ANKFN1: variants seen among roughly 807,000 people sequenced by gnomAD.
ANKFN1 encodes ankyrin repeat and fibronectin type-III domain-containing protein 1.
Under a neutral mutation model 108.7 loss-of-function variants are expected in ANKFN1, and 74 were observed. The ratio of observed to expected loss-of-function variants is 0.68; its 90% CI spans 0.56 to 0.83. ANKFN1 has a LOEUF of 0.83. Among genes scored for constraint, ANKFN1 ranks in the 40% least tolerant of loss-of-function variants. The pLI is 0.00. For missense variants in ANKFN1, 1,505 were observed against 1,382.3 expected (o/e 1.09, Z -1.41); for synonymous variants, 547 against 516.2 (o/e 1.06, Z -0.81).
chr17:56,080,159 G>A (rs968789413), intron 4 of ANKFN1, among the ~76,000 whole-genome samples: 1 of 152,184 alleles, frequency 6.6e-6, no homozygotes, highest in African/African-American at 2.4e-5. Flanking sequence ...GAGGGAGACA[G>A]ATACTCTCAT....
chr17:56,380,153 C>T lies in ANKFN1; in HGVS notation c.910+5439C>T, dbSNP rs190142042. On this transcript the variant is annotated intron_variant, in intron 8 of 20. Transcript: ENST00000682825. ...GTATTCAGAACAGTCTAATTATTTT[C>T]TTTACATAGATATTCTATACTTCCT... Among the ~76,000 whole-genome samples, 218 of 152,286 alleles carry T rather than the reference C, an allele frequency of 1.4e-3. 1 individual carries two copies. The South Asian group carries it at 0.019, about 14-fold the overall frequency.
chr17:56,511,109 C>T lies in ANKFN1; in HGVS notation c.3281C>T (p.Pro1094Leu), dbSNP rs1258141053. The T allele has an allele frequency of 6.5e-7, 1 of 1,535,872 alleles. No homozygotes were observed. The highest frequency in any genetic ancestry group is 1.4e-5 in the African/African-American group (1 of 73,052). The change falls in exon 21 of 21, where the codon CCC becomes CTC. Residue 1094 changes from proline to leucine, a missense_variant. By Grantham distance (98) the Pro-to-Leu change is moderately conservative (BLOSUM62 -3). Transcript: ENST00000682825. ...RPSVRRLYVE[P>L]YAAAVVAQDE... ...TCCGTCCGCCGCCTCTACGTGGAGC[C>T]CTACGCAGCGGCCGTGGTGGCCCAG...
intron 8 of ANKFN1, among the ~76,000 whole-genome samples, chr17:56,396,010 C>G (rs1318278249): frequency 2.0e-5 from 3 of 152,240 alleles, no homozygotes; most frequent in South Asian, 4.1e-4. Context: ...CATCACTTCT[C>G]TCTCCTGGAA....
intron 3 of ANKFN1, among the ~76,000 whole-genome samples, chr17:56,320,767 T>G (rs544470866): frequency 1.3e-5 from 2 of 152,260 alleles, no homozygotes; most frequent in South Asian, 4.1e-4. Flanking sequence ...GAAGTGTTTG[T>G]AACCTCCTTT....
At chr17:56,189,478 C>G (rs529697131) in intron 1 of ANKFN1, among the ~76,000 whole-genome samples, 4 of 152,166 alleles carry the variant, frequency 2.6e-5, no homozygotes, top group Non-Finnish European at 4.4e-5. Flanking sequence ...CCTGCCCTGA[C>G]TTTTTGTGAG....
At chr17:56,321,478 C>G (rs2045365683) in intron 3 of ANKFN1, among the ~76,000 whole-genome samples, 1 of 148,946 alleles carries the variant, frequency 6.7e-6, no homozygotes, top group Non-Finnish European at 1.5e-5. Context: ...AAAAAAAAAT[C>G]TTCGCTGAAA....
chr17:56,263,971 A>T (rs2043584671), intron 3 of ANKFN1, among the ~76,000 whole-genome samples: 1 of 152,212 alleles, frequency 6.6e-6, no homozygotes, highest in African/African-American at 2.4e-5. Context: ...GTTAAAAATC[A>T]AAGAGAGCAA....
intron 14 of ANKFN1, among the ~76,000 whole-genome samples, chr17:56,458,384 G>A (rs889565064): frequency 6.6e-6 from 1 of 151,936 alleles, no homozygotes; most frequent in Non-Finnish European, 1.5e-5. Context: ...GCATTAATGA[G>A]TATATGAAGA....
At chr17:56,154,897 G>A (rs1328606376) in intron 1 of ANKFN1, among the ~76,000 whole-genome samples, 3 of 152,150 alleles carry the variant, frequency 2.0e-5, no homozygotes, top group Non-Finnish European at 2.9e-5. Flanking sequence ...TCTAGGCTCA[G>A]GTCTGACACT....
chr17:56,274,063 T>C (rs2043856013), intron 3 of ANKFN1, among the ~76,000 whole-genome samples: 1 of 152,210 alleles, frequency 6.6e-6, no homozygotes, highest in African/African-American at 2.4e-5. Context: ...GTAACCATAG[T>C]AATAGGACAT....
chr17:56,334,843 G>A (rs2045762301), intron 4 of ANKFN1, among the ~76,000 whole-genome samples: 1 of 152,214 alleles, frequency 6.6e-6, no homozygotes, highest in Non-Finnish European at 1.5e-5. Flanking sequence ...TTCTTCTAGG[G>A]TTTTTATGGT....
chr17:56,257,608 C>A (rs2144099091), intron 3 of ANKFN1, among the ~76,000 whole-genome samples: 1 of 152,264 alleles, frequency 6.6e-6, no homozygotes, highest in South Asian at 2.1e-4. Flanking sequence ...AGTCACCGAC[C>A]CTCCAGGCTA....
Position 56,072,622 on chromosome 17 carries a change from A to G in ANKFN1, c.288+26297A>G, listed in dbSNP as rs535446796. 2.0e-5 allele frequency among the ~76,000 whole-genome samples: 3 copies of G among 152,300 alleles called. No homozygotes were observed. In the South Asian group the frequency reaches 6.2e-4, roughly 32 times the overall value. ...TATACAACCTACTTATATGAAATAT[A>G]TGTACTCTTGTGTCTGATGTTGCTA... On this transcript the variant is annotated intron_variant, in intron 4 of 12. Transcript: ENST00000635860.
chr17:56,479,626 A>T (rs772193515), intron 16 of ANKFN1, among the ~76,000 whole-genome samples: 1 of 152,224 alleles, frequency 6.6e-6, no homozygotes, highest in South Asian at 2.1e-4. Context: ...GTTAAAAGAG[A>T]GTAGTTTTTG....
rs1000869840 is a variant in ANKFN1, at chr17:56,159,103, AAGT to A, written c.-71+5576_-71+5578del. Among the ~76,000 whole-genome samples the A allele has an allele frequency of 1.3e-4, 19 of 151,900 alleles. No homozygotes were observed. In the East Asian group the frequency reaches 3.3e-3, roughly 26 times the overall value. On this transcript the variant is annotated intron_variant, in intron 1 of 20. Transcript: ENST00000682825. The stretch of plus-strand genomic sequence containing the variant: ...GAGGAAGAGGAGGAGGAGGAAGAAG[AAGT>A]AGAAGAAGAGGAAGAAATGGGCCAG...
chr17:56,184,572 A>T (rs942397230), intron 1 of ANKFN1, among the ~76,000 whole-genome samples: 7 of 152,168 alleles, frequency 4.6e-5, no homozygotes, highest in African/African-American at 1.7e-4. Context: ...CCTGTTTCCT[A>T]CATGCAGATG....
intron 8 of ANKFN1, among the ~76,000 whole-genome samples, chr17:56,379,507 A>G (rs2144804550): frequency 6.6e-6 from 1 of 152,244 alleles, no homozygotes; most frequent in Admixed American, 6.5e-5. Flanking sequence ...CTTTTTTGAT[A>G]TGTATATGCA....
intron 3 of ANKFN1, among the ~76,000 whole-genome samples, chr17:56,246,177 G>C (rs1314179036): frequency 6.6e-6 from 1 of 152,078 alleles, no homozygotes; most frequent in Non-Finnish European, 1.5e-5. Flanking sequence ...GATACTCAGA[G>C]GTCTTCTTCC....
chr17:56,409,045 C>T (rs2048007073), intron 8 of ANKFN1, among the ~76,000 whole-genome samples: 1 of 151,966 alleles, frequency 6.6e-6, no homozygotes, highest in South Asian at 2.1e-4. Flanking sequence ...CTGCCTCAGC[C>T]TCCTAAGTAG....
Sources: gnomAD v4.1 joint callset for allele counts (sites outside exome capture counted in the v4.1 genomes callset) on GRCh38, gnomAD v4.1.1 for gene constraint, MANE v1.5 for transcripts, NCBI Gene and HGNC (gene_info 2026-07-23, HGNC 2026-07-21) for gene names.